Variants in NFIX observed in about 807,000 individuals in gnomAD.
NFIX encodes nuclear factor 1 X-type.
In NFIX, 2 loss-of-function variants were observed where a neutral mutation model predicts 53.3. The ratio of observed to expected loss-of-function variants is 0.04; its 90% CI spans 0.02 to 0.12. The LOEUF (loss-of-function observed/expected upper bound fraction) is 0.12. Among genes scored for constraint, NFIX ranks in the 10% least tolerant of loss-of-function variants. The pLI, the probability that NFIX is intolerant of heterozygous loss-of-function variation, is 1.00. For missense variants in NFIX, 310 were observed against 674.5 expected, an observed-to-expected ratio of 0.46 and a Z score of 5.99; for synonymous variants, 244 against 289.0, an observed-to-expected ratio of 0.84 and a Z score of 1.58.
At position 12,995,806 on chromosome 19, in the gene NFIX, C is replaced by G. The variant is rs956928019; in HGVS notation, c.-32C>G. 11 of 984,732 alleles carry G rather than the reference C, an allele frequency of 1.1e-5. No homozygotes were observed. In the Admixed American group the frequency reaches 6.7e-4, roughly 60 times the overall value. The allele number at this position is 984,732 out of a possible 1,614,324, so 61.0% of individuals were successfully genotyped here. On this transcript the variant is annotated 5_prime_UTR_variant, in exon 1 of 11. Coordinates refer to ENST00000592199, the MANE Select transcript of NFIX (RefSeq NM_001365902.3). ...CTGCCGGGCCTCCCCTCGCCGCGGCCGGCCGCCGCGCTCCCGCCCGGGCGC... is the reference window on the plus strand; with the variant it reads ...CTGCCGGGCCTCCCCTCGCCGCGGCGGGCCGCCGCGCTCCCGCCCGGGCGC...
Position 13,088,176 on chromosome 19 carries a change from C to T in NFIX, c.1402+40C>T, listed in dbSNP as rs1341805289. The T allele has an allele frequency of 1.3e-6, 2 of 1,534,916 alleles. No individual in the cohort carries two copies. Among genetic ancestry groups the T allele is most frequent in the African/African-American group, 1.4e-5 (1 of 73,136 alleles). ...AAACCGAAACCACAACGCCCAGCGT[C>T]CCCGGCCCGTCCAAACAGTCTCCAC... On this transcript the variant is annotated intron_variant, in intron 9 of 10. Coordinates refer to ENST00000592199, the MANE Select transcript of NFIX (RefSeq NM_001365902.3). This position sits in a 1 kb window ranked among gnomAD's most constrained non-coding sequence, Gnocchi z 5.9.
chr19:13,077,298 C>T (rs375569212), intron 6 of NFIX, among the ~76,000 whole-genome samples: 12 of 152,312 alleles, frequency 7.9e-5, no homozygotes, highest in African/African-American at 2.6e-4. Context: ...CTGCTCCTTC[C>T]GGCAGTCCTG....
At chr19:13,076,955 C>T (rs2017139786) in intron 6 of NFIX, among the ~76,000 whole-genome samples, 3 of 152,132 alleles carry the variant, frequency 2.0e-5, no homozygotes, top group Admixed American at 2.0e-4. Context: ...GACTCTGGGG[C>T]CCCTCCCAGG....
At chr19:13,023,880 C>G in intron 1 of NFIX, 2 of 668,612 alleles carry the variant, frequency 3.0e-6, no homozygotes, top group Non-Finnish European at 5.2e-6. Flanking sequence ...GCCCCTATTC[C>G]CCAGAACACC....
intron 2 of NFIX, among the ~76,000 whole-genome samples, chr19:13,071,629 C>T (rs942620667): frequency 6.6e-6 from 1 of 152,200 alleles, no homozygotes; most frequent in South Asian, 2.1e-4. Flanking sequence ...TTTCTTGACT[C>T]GCTACAATAG....
rs2012358802 is a variant in NFIX at position 13,011,713 on chromosome 19, G to C, written c.28-13308G>C. ...CGAACACTCCCTCCCCAGTGCCTCT[G>C]TGCATTAGGTCGCGTGCCTGTACGT... On this transcript the variant is annotated intron_variant, in intron 1 of 10. Transcript: ENST00000592199. This position sits in a 1 kb window ranked among gnomAD's most constrained non-coding sequence, Gnocchi z 6.5. 6.6e-6 allele frequency among the ~76,000 whole-genome samples: 1 copy of C among 152,192 alleles called. No homozygotes were observed. Among genetic ancestry groups the C allele is most frequent in the Non-Finnish European group, 1.5e-5 (1 of 68,022 alleles).
chr19:13,042,419 A>G (rs2014703524), intron 2 of NFIX, among the ~76,000 whole-genome samples: 1 of 126,694 alleles, frequency 7.9e-6, no homozygotes, highest in African/African-American at 3.2e-5. Flanking sequence ...CAGTGGCACT[A>G]TCTCAGCTCA....
rs1482697617 is a variant in NFIX, at chr19:13,030,672, C to T, written c.559+5120C>T. Among the ~76,000 whole-genome samples the T allele has an allele frequency of 1.1e-4, 17 of 152,274 alleles. No individual in the cohort carries two copies. The East Asian group carries it at 3.3e-3, about 29-fold the overall frequency. ...CATTTTGGTAACCACCTCCTGGAAG[C>T]CCTCTGGTTTGTTTTGGTCCCTCTG... is the stretch of plus-strand genomic sequence containing the variant. On this transcript the variant is annotated intron_variant, in intron 2 of 10. Coordinates refer to ENST00000592199, the MANE Select transcript of NFIX (RefSeq NM_001365902.3).
rs1031630504 is a variant in NFIX at position 13,009,211 on chromosome 19, TCA to T, written c.27+13349_27+13350del. ...GGCACAGTCGCACACACAGCCAGCC[TCA>T]CGCGATCACACCAAGCGTCACAGCT... On this transcript the variant is annotated intron_variant, in intron 1 of 10. Transcript: ENST00000592199. The surrounding 1 kb of genome is among the most constrained non-coding windows in gnomAD (Gnocchi z 4.7). 1.3e-5 allele frequency among the ~76,000 whole-genome samples: 2 copies of T among 151,952 alleles called. No homozygotes were observed. Among genetic ancestry groups the T allele is most frequent in the African/African-American group, 4.8e-5 (2 of 41,366 alleles).
At chr19:13,000,498 G>C (rs1599699214) in intron 1 of NFIX, among the ~76,000 whole-genome samples, 1 of 151,230 alleles carries the variant, frequency 6.6e-6, no homozygotes, top group East Asian at 2.0e-4. Flanking sequence ...TTGGATGGGG[G>C]CCTGTAGGCC....
chr19:13,079,576 A>C (rs2017335400), intron 7 of NFIX, among the ~76,000 whole-genome samples: 1 of 152,140 alleles, frequency 6.6e-6, no homozygotes, highest in Admixed American at 6.5e-5. Flanking sequence ...GGACACAGAA[A>C]ATGAGGAGGT....
intron 1 of NFIX, among the ~76,000 whole-genome samples, chr19:13,015,029 C>T (rs964593635): frequency 2.0e-5 from 3 of 152,136 alleles, no homozygotes; most frequent in Admixed American, 2.0e-4. Flanking sequence ...GGGGTTAGTG[C>T]CCACAGGCGC....
At position 13,081,166 on chromosome 19, in the gene NFIX, C is replaced by T. The variant is rs2017440664; in HGVS notation, c.1079-514C>T. Reference sequence around the variant, plus strand: ...AAAAAAAAGCAAAAATCTACCAGGCCTGGTGGCGTGCACCTGTAGTGCTGG... The same window carrying T: ...AAAAAAAAGCAAAAATCTACCAGGCTTGGTGGCGTGCACCTGTAGTGCTGG... On this transcript the variant is annotated intron_variant, in intron 7 of 10. Transcript: ENST00000592199. This position sits in a 1 kb window ranked among gnomAD's most constrained non-coding sequence, Gnocchi z 4.7. 6.6e-6 allele frequency among the ~76,000 whole-genome samples: 1 copy of T among 151,576 alleles called. No homozygotes were observed. Among genetic ancestry groups the T allele is most frequent in the Non-Finnish European group, 1.5e-5 (1 of 67,918 alleles).
chr19:13,035,322 C>G (rs891892777), intron 2 of NFIX, among the ~76,000 whole-genome samples: 2 of 152,214 alleles, frequency 1.3e-5, no homozygotes, highest in African/African-American at 4.8e-5. Flanking sequence ...TCCCCTTTCA[C>G]CTCCCCCTGG....
rs919185925 is a variant in NFIX, at chr19:12,998,345, C to CT, written c.27+2488dup. ...CTTTCCCTCTCTCTCTCTCCCTTTT[C>CT]TTTTTTTCAAACCAGAATTGGCTTC... is the stretch of plus-strand genomic sequence containing the variant. On this transcript the variant is annotated intron_variant, in intron 1 of 10. Transcript: ENST00000592199. The surrounding 1 kb of genome is among the most constrained non-coding windows in gnomAD (Gnocchi z 4.4). Among the ~76,000 whole-genome samples the CT allele has an allele frequency of 1.3e-5, 2 of 151,776 alleles. No individual in the cohort carries two copies. The highest frequency in any genetic ancestry group is 4.2e-4 in the South Asian group (2 of 4,812).
In NFIX at chr19:13,049,740, C is replaced by A. The variant is rs1482683157; in HGVS notation, c.560-23307C>A. On this transcript the variant is annotated intron_variant, in intron 2 of 10. Transcript: ENST00000592199. This position sits in a 1 kb window ranked among gnomAD's most constrained non-coding sequence, Gnocchi z 4.5. ...TCCTAAGTAGCTGGGACTACAGGCG[C>A]CCGCCACCATGCCCAGCTAATTTTT... Among the ~76,000 whole-genome samples, 4 of 151,970 alleles carry A rather than the reference C, an allele frequency of 2.6e-5. No individual in the cohort carries two copies. Among genetic ancestry groups the A allele is most frequent in the Non-Finnish European group, 4.4e-5 (3 of 67,980 alleles).
chr19:13,055,872 G>A (rs1161481609), intron 2 of NFIX, among the ~76,000 whole-genome samples: 2 of 152,142 alleles, frequency 1.3e-5, no homozygotes, highest in African/African-American at 2.4e-5. Context: ...CTCACCTCGC[G>A]CCTCCCTGGC....
At position 13,073,784 on chromosome 19, in the gene NFIX, C is replaced by G. The variant is rs867356779; in HGVS notation, c.698-122C>G. 28 of 1,350,928 alleles carry G rather than the reference C, an allele frequency of 2.1e-5. 1 individual carries two copies. The Middle Eastern group carries it at 2.7e-3, about 130-fold the overall frequency. The allele number at this position is 1,350,928 out of a possible 1,614,324, so 83.7% of individuals were successfully genotyped here. ...CAGCAGCCCAGATGGCCCACTTTCTCCCATCTCCTGGCCCCACAGTAAACT... is the reference window on the plus strand; with the variant it reads ...CAGCAGCCCAGATGGCCCACTTTCTGCCATCTCCTGGCCCCACAGTAAACT... On this transcript the variant is annotated intron_variant, in intron 4 of 10. Transcript: ENST00000592199. The surrounding 1 kb of genome is among the most constrained non-coding windows in gnomAD (Gnocchi z 4.5).
intron 2 of NFIX, among the ~76,000 whole-genome samples, chr19:13,030,880 C>T (rs952214703): frequency 7.9e-5 from 12 of 152,176 alleles, no homozygotes; most frequent in African/African-American, 2.7e-4. Flanking sequence ...AATTACAGCA[C>T]GACATCAGTT....
Sources: allele counts gnomAD v4.1 joint callset (sites outside exome capture counted in the v4.1 genomes callset), GRCh38; gene constraint gnomAD v4.1.1; non-coding constraint Gnocchi (gnomAD v3.1); transcripts MANE v1.5; gene names NCBI Gene and HGNC (gene_info 2026-07-23, HGNC 2026-07-21).